NEGR1: variants seen among roughly 807,000 people sequenced by gnomAD.
The protein encoded by NEGR1 is IgLON family member 4.
In NEGR1, 10 loss-of-function variants were observed where a neutral mutation model predicts 40.9. That is an observed-to-expected ratio of 0.24 (90% CI 0.15 to 0.42). NEGR1 has a LOEUF of 0.42. NEGR1 is among the 10% of genes least tolerant of loss of function. The pLI is 1.00. For synonymous variants in NEGR1, 185 were observed against 166.8 expected, an observed-to-expected ratio of 1.11 and a Z score of -0.84; for missense variants, 352 against 438.9, an observed-to-expected ratio of 0.80 and a Z score of 1.77.
chr1:71,617,047 T>C (rs1267594312), intron 4 of NEGR1, among the ~76,000 whole-genome samples: 3 of 152,104 alleles, frequency 2.0e-5, no homozygotes, highest in African/African-American at 7.2e-5. Context: ...AGACAAGACT[T>C]TGGAGTTTTT....
chr1:72,037,958 A>G (rs1288053426), intron 1 of NEGR1, among the ~76,000 whole-genome samples: 4 of 152,080 alleles, frequency 2.6e-5, no homozygotes, highest in Admixed American at 2.6e-4. Context: ...TATTCTTTAC[A>G]CTCATAAAAG....
chr1:71,847,870 T>C (rs35067552), intron 2 of NEGR1, among the ~76,000 whole-genome samples: 29,769 of 152,176 alleles, frequency 0.2, 3,888 homozygotes, highest in East Asian at 0.5. Flanking sequence ...AAAGCCAAGA[T>C]AGGCTGAAAC....
chr1:72,257,055 G>C (rs1204337897), intron 1 of NEGR1, among the ~76,000 whole-genome samples: 3 of 152,090 alleles, frequency 2.0e-5, no homozygotes, highest in Non-Finnish European at 4.4e-5. Flanking sequence ...GGGCGCGGTG[G>C]CTCACGCCTG....
At chr1:71,734,770 T>A (rs868021310) in intron 3 of NEGR1, among the ~76,000 whole-genome samples, 1 of 152,160 alleles carries the variant, frequency 6.6e-6, no homozygotes, top group Admixed American at 6.6e-5. Context: ...ATTAAATTCA[T>A]CAGTGCCCTA....
chr1:71,947,089 T>TACACACACAC (rs3078155), intron 1 of NEGR1, among the ~76,000 whole-genome samples: 8 of 129,150 alleles, frequency 6.2e-5, no homozygotes, highest in Middle Eastern at 3.7e-3. Flanking sequence ...TCCTGTCTCA[T>TACACACACAC]ACACACACAC....
chr1:71,508,895 G>C (rs1235477907), intron 6 of NEGR1, among the ~76,000 whole-genome samples: 2 of 152,142 alleles, frequency 1.3e-5, no homozygotes, highest in African/African-American at 2.4e-5. Flanking sequence ...TAGCATCACG[G>C]GTATATGGGT....
intron 4 of NEGR1, among the ~76,000 whole-genome samples, chr1:71,676,317 A>C (rs1652635538): frequency 6.6e-6 from 1 of 152,084 alleles, no homozygotes; most frequent in Non-Finnish European, 1.5e-5. Flanking sequence ...TGGGGAGTCA[A>C]TGTCTTCTAA....
intron 2 of NEGR1, among the ~76,000 whole-genome samples, chr1:71,872,495 G>T (rs1468411118): frequency 6.6e-6 from 1 of 152,130 alleles, no homozygotes; most frequent in Non-Finnish European, 1.5e-5. Flanking sequence ...CTGTTTAGGT[G>T]GAGAGCTTCT....
chr1:71,774,943 T>C (rs968746014), intron 3 of NEGR1, among the ~76,000 whole-genome samples: 1 of 152,148 alleles, frequency 6.6e-6, no homozygotes, highest in Admixed American at 6.5e-5. Context: ...GTACTGGAAA[T>C]CTATAAACAT....
intron 1 of NEGR1, among the ~76,000 whole-genome samples, chr1:72,053,231 GCCT>G (rs1557503030): frequency 6.6e-6 from 1 of 150,858 alleles, no homozygotes; most frequent in Non-Finnish European, 1.5e-5. Flanking sequence ...TTTTTTAGGA[GCCT>G]GTGTTTGTAG....
intron 1 of NEGR1, among the ~76,000 whole-genome samples, chr1:72,072,921 G>C (rs550423202): frequency 6.6e-5 from 10 of 152,254 alleles, no homozygotes; most frequent in Admixed American, 1.3e-4. Context: ...ACTACTTTAT[G>C]AAGAAATACA....
intron 2 of NEGR1, among the ~76,000 whole-genome samples, chr1:71,829,655 A>G (rs1658768856): frequency 6.6e-6 from 1 of 151,914 alleles, no homozygotes; most frequent in African/African-American, 2.4e-5. Flanking sequence ...ACAAAACAAA[A>G]CAAAACCCAA....
At chr1:71,468,280 A>G (rs1646759418) in intron 6 of NEGR1, 1 of 152,008 alleles carries the variant, frequency 6.6e-6, no homozygotes, top group Admixed American at 6.6e-5. Context: ...TTTCTTATTC[A>G]TAGGTGAGTC....
chr1:71,979,663 T>C (rs967828317), intron 1 of NEGR1, among the ~76,000 whole-genome samples: 2 of 152,088 alleles, frequency 1.3e-5, no homozygotes, highest in Non-Finnish European at 2.9e-5. Context: ...TTTTTGATGA[T>C]GGGAAACTAA....
Position 71,839,706 on chromosome 1 carries a change from AT to A in NEGR1, c.410-63410del, listed in dbSNP as rs1403971374. Among the ~76,000 whole-genome samples the A allele has an allele frequency of 3.9e-5, 6 of 152,308 alleles. No homozygotes were observed. The East Asian group carries it at 1.2e-3, about 29-fold the overall frequency. ...AGAGTTGGGCATATTATTTGCAAAT[AT>A]TCCAGAGGATTTTATTTTAACCAGG... On this transcript the variant is annotated intron_variant, in intron 2 of 6. Coordinates refer to ENST00000357731, the MANE Select transcript of NEGR1 (RefSeq NM_173808.3).
chr1:72,263,834 T>A (rs1463008723), intron 1 of NEGR1, among the ~76,000 whole-genome samples: 1 of 151,470 alleles, frequency 6.6e-6, no homozygotes, highest in Non-Finnish European at 1.5e-5. Flanking sequence ...TGAAAAAAGA[T>A]GTTGATGGTA....
At chr1:71,497,893 G>T (rs1569949482) in intron 6 of NEGR1, among the ~76,000 whole-genome samples, 2 of 152,056 alleles carry the variant, frequency 1.3e-5, no homozygotes, top group East Asian at 3.9e-4. Context: ...TATCTTCTAT[G>T]TTTTAGTCAG....
intron 1 of NEGR1, among the ~76,000 whole-genome samples, chr1:72,011,648 A>C (rs1413726654): frequency 6.6e-6 from 1 of 152,170 alleles, no homozygotes; most frequent in Non-Finnish European, 1.5e-5. Flanking sequence ...GATTATTAGA[A>C]TGCAGCATGT....
At chr1:72,270,728 T>C (rs1655814649) in intron 1 of NEGR1, among the ~76,000 whole-genome samples, 1 of 151,900 alleles carries the variant, frequency 6.6e-6, no homozygotes, top group Non-Finnish European at 1.5e-5. Context: ...ATGTTTCATG[T>C]GACCACCCAA....
Sources: allele counts gnomAD v4.1 joint callset (sites outside exome capture counted in the v4.1 genomes callset), GRCh38; gene constraint gnomAD v4.1.1; transcripts MANE v1.5; gene names NCBI Gene and HGNC (gene_info 2026-07-23, HGNC 2026-07-21).